NAALADL2: variants seen among roughly 807,000 people sequenced by gnomAD.
The protein encoded by NAALADL2 is N-acetylated alpha-linked acidic dipeptidase like 2.
NAALADL2 carries 76 observed loss-of-function variants against 87.2 expected under a neutral mutation model. The observed-to-expected ratio is 0.87, with a 90% CI of 0.72 to 1.05. The LOEUF (loss-of-function observed/expected upper bound fraction) is 1.05, where lower values mean the gene tolerates loss of function less well. Ranked by LOEUF, NAALADL2 falls within the 50% of genes least tolerant of loss-of-function variation. NAALADL2 has a pLI of 0.00. For synonymous variants in NAALADL2, 354 were observed against 331.0 expected (o/e 1.07, Z -0.75); for missense variants, 1,089 against 945.8 (o/e 1.15, Z -1.99).
chr3:175,562,247 A>T (rs1716390040), intron 9 of NAALADL2, among the ~76,000 whole-genome samples: 1 of 152,146 alleles, frequency 6.6e-6, no homozygotes, highest in South Asian at 2.1e-4. Flanking sequence ...ACAATAGATG[A>T]TTTACTTAAT....
intron 1 of NAALADL2, among the ~76,000 whole-genome samples, chr3:174,453,068 T>C (rs937005787): frequency 2.0e-5 from 3 of 152,074 alleles, no homozygotes; most frequent in African/African-American, 4.8e-5. Context: ...ACAGACAAAA[T>C]AGCCAGTATT....
intron 2 of NAALADL2, among the ~76,000 whole-genome samples, chr3:175,215,302 T>A (rs1392565836): frequency 1.3e-5 from 2 of 152,190 alleles, no homozygotes. Context: ...AACTTACTTT[T>A]CTTTCAGATC....
At chr3:174,757,582 C>T (rs1372225520) in intron 3 of NAALADL2, among the ~76,000 whole-genome samples, 1 of 152,000 alleles carries the variant, frequency 6.6e-6, no homozygotes, top group East Asian at 1.9e-4. Flanking sequence ...AAGTCCGCCT[C>T]CTGGGTTCCA....
chr3:175,761,097 G>T (rs1747946984), intron 13 of NAALADL2, among the ~76,000 whole-genome samples: 2 of 152,128 alleles, frequency 1.3e-5, no homozygotes, highest in South Asian at 2.1e-4. Flanking sequence ...ATCAGGGTTT[G>T]CTCTTTAGGT....
rs549178364 is a variant in NAALADL2, at chr3:175,060,701, T to C, written c.44-36089T>C. 3.3e-5 allele frequency among the ~76,000 whole-genome samples: 5 copies of C among 152,254 alleles called. No homozygotes were observed. In the East Asian group the frequency reaches 9.7e-4, roughly 29 times the overall value. On this transcript the variant is annotated intron_variant, in intron 1 of 13. Coordinates refer to ENST00000454872, the MANE Select transcript of NAALADL2 (RefSeq NM_207015.3). ...TGTGTTAGCTACAGGGTATACATAG[T>C]AGGACAATATCTGGGACTCAGTGTG...
upstream of NAALADL2, among the ~76,000 whole-genome samples, chr3:174,857,555 G>A (rs565051977): frequency 7.2e-5 from 11 of 152,266 alleles, no homozygotes; most frequent in East Asian, 1.5e-3. Context: ...GTCATAATGA[G>A]TGAGGATTGA....
chr3:174,795,101 C>T (rs7637156), intron 3 of NAALADL2, among the ~76,000 whole-genome samples: 64,228 of 149,480 alleles, frequency 0.43, 13,877 homozygotes, highest in Admixed American at 0.46. Context: ...AAACAATTCT[C>T]CTGCCTCAGC....
chr3:175,627,199 A>G lies in NAALADL2; in HGVS notation c.1801-92A>G, dbSNP rs988330779. The G allele has an allele frequency of 3.0e-5, 29 of 966,304 alleles. No individual in the cohort carries two copies. In the East Asian group the frequency reaches 6.9e-4, roughly 23 times the overall value. 59.9% of individuals were successfully genotyped at this position (966,304 alleles called of 1,614,324 possible). A position where few individuals can be genotyped will look rare whatever the true frequency, so the allele number is the denominator to read the frequency against. The stretch of plus-strand genomic sequence containing the variant: ...CAACAGAAACCTTAAGGCAATTTAG[A>G]GTCCTTTTTAATCTTTAAGGAAAAT... On this transcript the variant is annotated intron_variant, in intron 10 of 13. Transcript: ENST00000454872.
At chr3:174,457,363 A>G (rs1389485064) in intron 1 of NAALADL2, among the ~76,000 whole-genome samples, 1 of 152,214 alleles carries the variant, frequency 6.6e-6, no homozygotes, top group African/African-American at 2.4e-5. Context: ...TTATGTACCC[A>G]AAGTAATATA....
chr3:175,809,183 CACAA>C lies in NAALADL2; in HGVS notation c.*5986_*5989del, dbSNP rs1224552379. 2.0e-5 allele frequency: 3 copies of C among 151,878 alleles called. No homozygotes were observed. The highest frequency in any genetic ancestry group is 4.8e-5 in the African/African-American group (2 of 41,390). The allele number at this position is 151,878 out of a possible 1,614,324, so 9.4% of individuals were successfully genotyped here. A position where few individuals can be genotyped will look rare whatever the true frequency, so the allele number is the denominator to read the frequency against. ...TAGCATATCTGTTTGATAAGAAATA[CACAA>C]ACAAAATATTTTTCTATGCTATTGC... On this transcript the variant is annotated 3_prime_UTR_variant, in exon 14 of 14. Coordinates refer to ENST00000454872, the MANE Select transcript of NAALADL2 (RefSeq NM_207015.3).
intron 5 of NAALADL2, among the ~76,000 whole-genome samples, chr3:175,438,368 A>G (rs1414443909): frequency 6.6e-6 from 1 of 152,128 alleles, no homozygotes; most frequent in Non-Finnish European, 1.5e-5. Flanking sequence ...TTTCAGAAAA[A>G]TAATTGTAAA....
chr3:175,598,141 A>G (rs1722486157), intron 10 of NAALADL2, among the ~76,000 whole-genome samples: 1 of 152,030 alleles, frequency 6.6e-6, no homozygotes, highest in Non-Finnish European at 1.5e-5. Context: ...TTATTTTATA[A>G]ATCATCAAGA....
intron 1 of NAALADL2, among the ~76,000 whole-genome samples, chr3:174,918,351 A>C (rs1734691807): frequency 6.6e-6 from 1 of 152,132 alleles, no homozygotes; most frequent in African/African-American, 2.4e-5. Context: ...CTTGGTGCAA[A>C]CTTGAAGACT....
chr3:175,304,262 C>T lies in NAALADL2; in HGVS notation c.940-19913C>T, dbSNP rs142539587. 2.1e-4 allele frequency among the ~76,000 whole-genome samples: 32 copies of T among 152,192 alleles called. 1 individual carries two copies. The East Asian group carries it at 6.2e-3, about 29-fold the overall frequency. On this transcript the variant is annotated intron_variant, in intron 4 of 13. Coordinates refer to ENST00000454872, the MANE Select transcript of NAALADL2 (RefSeq NM_207015.3). The stretch of plus-strand genomic sequence containing the variant: ...CAGGAGTCATAAGCTTTTGGATATG[C>T]GGAAATGAATTTATTAGTGGATACT...
In NAALADL2 at chr3:175,652,666, A is replaced by G. The variant is rs866623000; in HGVS notation, c.1896+25280A>G. ...GCTAATTTTTTGTATTTTTAGTAGAAACGGGGTTTCACCATGTTAGCCAGG... is the reference window on the plus strand; with the variant it reads ...GCTAATTTTTTGTATTTTTAGTAGAGACGGGGTTTCACCATGTTAGCCAGG... On this transcript the variant is annotated intron_variant, in intron 11 of 13. Coordinates refer to ENST00000454872, the MANE Select transcript of NAALADL2 (RefSeq NM_207015.3). 1.1e-3 allele frequency among the ~76,000 whole-genome samples: 166 copies of G among 151,400 alleles called. 1 individual carries two copies. Among genetic ancestry groups the G allele is most frequent in the African/African-American group, 3.7e-3 (153 of 41,250 alleles).
intron 11 of NAALADL2, among the ~76,000 whole-genome samples, chr3:175,691,985 T>A (rs1339981390): frequency 6.6e-6 from 1 of 152,142 alleles, no homozygotes; most frequent in Non-Finnish European, 1.5e-5. Context: ...AATATGATGC[T>A]GCTAAAGTCT....
At chr3:175,476,223 T>C (rs534390833) in intron 9 of NAALADL2, among the ~76,000 whole-genome samples, 51 of 152,322 alleles carry the variant, frequency 3.3e-4, no homozygotes, top group African/African-American at 1.2e-3. Context: ...TATGTCTTCA[T>C]TGTGAATATC....
chr3:175,221,217 G>A (rs79535505), intron 2 of NAALADL2, among the ~76,000 whole-genome samples: 107 of 86,662 alleles, frequency 1.2e-3, no homozygotes, highest in Non-Finnish European at 1.9e-3. Context: ...AAAAAAAAAA[G>A]ATTTTTTAGT....
chr3:175,781,917 C>T (rs1243260933), intron 13 of NAALADL2, among the ~76,000 whole-genome samples: 1 of 143,648 alleles, frequency 7.0e-6, no homozygotes, highest in Non-Finnish European at 1.5e-5. Context: ...CATGTGATCT[C>T]ATTGTTCAAT....
Sources: gnomAD v4.1 joint callset for allele counts (sites outside exome capture counted in the v4.1 genomes callset) on GRCh38, gnomAD v4.1.1 for gene constraint, MANE v1.5 for transcripts, NCBI Gene and HGNC (gene_info 2026-07-23, HGNC 2026-07-21) for gene names.